Variants in KATNIP observed in about 807,000 individuals in gnomAD.
KATNIP encodes the protein katanin interacting protein, also known as katanin-interacting protein.
Under a neutral mutation model 174.0 loss-of-function variants are expected in KATNIP, and 126 were observed. The observed-to-expected ratio is 0.72, with a 90% confidence interval of 0.63 to 0.84. The LOEUF is 0.84. Among genes scored for constraint, KATNIP ranks in the 40% least tolerant of loss-of-function variants. KATNIP has a pLI of 0.00. For missense variants in KATNIP, 1,958 were observed against 2,109.7 expected (o/e 0.93, Z 1.41); for synonymous variants, 810 against 835.7 (o/e 0.97, Z 0.53).
At position 27,777,632 on chromosome 16, in the gene KATNIP, T is replaced by C. The variant is rs1359170339; in HGVS notation, c.4574T>C (p.Val1525Ala). Reference protein sequence around the residue: ...EFGLLVDDLLVYNGILAMVSH... With the variant: ...EFGLLVDDLLAYNGILAMVSH... ...CAGCTCCTGGTGGACGACCTGCTTG[T>C]GTACAATGGGATCCTGGCCATGGTG... The change falls in exon 26 of 28, where the codon GTG becomes GCG. Residue 1525 changes from valine (V) to alanine (A), a missense_variant. This residue lies in a region of KATNIP where 383 missense variants were observed against 456.0 expected (regional missense o/e 0.84). Coordinates refer to ENST00000261588, the MANE Select transcript of KATNIP (RefSeq NM_015202.5). This position sits in a 1 kb window ranked among gnomAD's most constrained non-coding sequence, Gnocchi z 4.4. 3 of 1,612,608 alleles carry C rather than the reference T, an allele frequency of 1.9e-6. No homozygotes were observed.
chr16:27,734,777 A>G (rs2080838184), intron 14 of KATNIP, among the ~76,000 whole-genome samples: 1 of 152,190 alleles, frequency 6.6e-6, no homozygotes, highest in Non-Finnish European at 1.5e-5. Flanking sequence ...CTAGGCTAGC[A>G]TGGGCCAGGA....
chr16:27,758,347 T>C (rs979894461), intron 18 of KATNIP, among the ~76,000 whole-genome samples: 1 of 152,204 alleles, frequency 6.6e-6, no homozygotes, highest in Non-Finnish European at 1.5e-5. Flanking sequence ...ATCCTGGTAG[T>C]GCTATCTCTG....
chr16:27,587,227 G>T (rs890864227), intron 2 of KATNIP, among the ~76,000 whole-genome samples: 8 of 152,192 alleles, frequency 5.3e-5, no homozygotes, highest in African/African-American at 1.7e-4. Flanking sequence ...GAAGCACTTA[G>T]AACCATATCT....
intron 2 of KATNIP, among the ~76,000 whole-genome samples, chr16:27,601,101 C>T (rs1210416270): frequency 1.3e-5 from 2 of 152,210 alleles, no homozygotes; most frequent in South Asian, 2.1e-4. Context: ...TATCTCTCTA[C>T]TCCAAGTTCC....
At chr16:27,640,321 T>C (rs917549128) in intron 5 of KATNIP, among the ~76,000 whole-genome samples, 15 of 152,194 alleles carry the variant, frequency 9.9e-5, no homozygotes, top group African/African-American at 3.6e-4. Context: ...AGCGGGGAGC[T>C]AGCCAGGTGC....
At chr16:27,695,470 C>G (rs1051819359) in intron 8 of KATNIP, among the ~76,000 whole-genome samples, 1 of 152,258 alleles carries the variant, frequency 6.6e-6, no homozygotes, top group African/African-American at 2.4e-5. Flanking sequence ...GCACACTTCC[C>G]TGGTCCTCTG....
At chr16:27,697,727 G>A (rs1319726989) in intron 8 of KATNIP, among the ~76,000 whole-genome samples, 1 of 152,098 alleles carries the variant, frequency 6.6e-6, no homozygotes, top group Non-Finnish European at 1.5e-5. Flanking sequence ...GAGGGTGTGT[G>A]TGTGTGTGTA....
Position 27,775,656 on chromosome 16 carries a change from G to A in KATNIP, c.4449+572G>A, listed in dbSNP as rs112793448. 8.3e-3 allele frequency among the ~76,000 whole-genome samples: 1,266 copies of A among 152,338 alleles called. 7 individuals carry two copies. The highest frequency in any genetic ancestry group is 0.014 in the Non-Finnish European group (935 of 68,036). On this transcript the variant is annotated intron_variant, in intron 24 of 27. Transcript: ENST00000261588. ...TCATGGTGAGAAGACGTGGTTGGTT[G>A]TGGTGGAGAGGAAGGGGAGAGGGCA... is the stretch of plus-strand genomic sequence containing the variant.
At chr16:27,595,520 A>G (rs1393834505) in intron 2 of KATNIP, among the ~76,000 whole-genome samples, 1 of 152,206 alleles carries the variant, frequency 6.6e-6, no homozygotes, top group Non-Finnish European at 1.5e-5. Context: ...GAGCATCACC[A>G]AGTCTGGTCG....
At chr16:27,742,083 T>C (rs1349527683) in intron 15 of KATNIP, among the ~76,000 whole-genome samples, 3 of 151,494 alleles carry the variant, frequency 2.0e-5, no homozygotes, top group African/African-American at 7.3e-5. Flanking sequence ...CCTGAGAGCT[T>C]TGTGAACTTT....
chr16:27,555,250 A>G lies in KATNIP; in HGVS notation c.7+5073A>G, dbSNP rs573159395. Among the ~76,000 whole-genome samples, 7 of 152,362 alleles carry G rather than the reference A, an allele frequency of 4.6e-5. No individual in the cohort carries two copies. In the East Asian group the frequency reaches 1.2e-3, roughly 25 times the overall value. ...TCACAAAAGCTTAAATGTCTAGCAG[A>G]TGCCCTCCAAACTGGACTGTAATTT... On this transcript the variant is annotated intron_variant, in intron 1 of 27. Transcript: ENST00000261588.
chr16:27,727,228 GC>G, intron 14 of KATNIP: 1 of 230,098 alleles, frequency 4.3e-6, no homozygotes, highest in Non-Finnish European at 9.6e-6. Context: ...TCTCTCTGCT[GC>G]CCAGGCTGGA....
In KATNIP at chr16:27,739,006, TAA is replaced by T. The variant is rs71140909; in HGVS notation, c.1744-1023_1744-1022del. 3.1e-3 allele frequency among the ~76,000 whole-genome samples: 458 copies of T among 146,506 alleles called. 5 individuals are homozygous for T. Among genetic ancestry groups the T allele is most frequent in the African/African-American group, 0.01 (409 of 40,174 alleles). ...AAGACTCCCATGATCTGATTTCAGT[TAA>T]AAAAAAAAAAACTCACTGCTGCATA... On this transcript the variant is annotated intron_variant, in intron 14 of 27. Coordinates refer to ENST00000261588, the MANE Select transcript of KATNIP (RefSeq NM_015202.5).
intron 12 of KATNIP, 124 bp downstream of exon 12, chr16:27,704,122 G>GCCCCCCCCCCC (rs535809357): frequency 3.0e-6 from 2 of 662,456 alleles, no homozygotes; most frequent in African/African-American, 3.7e-5. Context: ...TGTTTCCACC[G>GCCCCCCCCCCC]CCCCCCCCCT....
At chr16:27,774,901 C>G in intron 23 of KATNIP, 44 bp from the exon 24 acceptor site, 1 of 1,611,918 alleles carries the variant, frequency 6.2e-7, no homozygotes. Context: ...CTGGCAGCCC[C>G]GAGCACACAG....
rs550197196 is a variant in KATNIP, at chr16:27,691,000, C to T, written c.941-7328C>T. Among the ~76,000 whole-genome samples the T allele has an allele frequency of 5.3e-5, 8 of 152,254 alleles. No homozygotes were observed. In the East Asian group the frequency reaches 1.2e-3, roughly 22 times the overall value. ...TTTTTCTAAAAAAGTGAAAGTGACA[C>T]AATACATCTCTGTAGGCAGGTTATG... On this transcript the variant is annotated intron_variant, in intron 8 of 27. Transcript: ENST00000261588.
In KATNIP at chr16:27,776,982, C is replaced by G; in HGVS notation, c.4504C>G (p.Leu1502Val). ...DLPTTVSMIK[L>V]WNYAKTPHRG... ...GCCTACCACCGTGTCAATGATCAAA[C>G]TGTGGAATTATGCGAAAACACCCCA... Residue 1502 changes from leucine (L) to valine (V), a missense_variant, in exon 25 of 28, where the codon CTG becomes GTG. Coordinates refer to ENST00000261588, the MANE Select transcript of KATNIP (RefSeq NM_015202.5). The surrounding 1 kb of genome is among the most constrained non-coding windows in gnomAD (Gnocchi z 4.7). 3.7e-6 allele frequency: 6 copies of G among 1,614,008 alleles called. No homozygotes were observed. The highest frequency in any genetic ancestry group is 5.1e-6 in the Non-Finnish European group (6 of 1,179,842).
At chr16:27,685,942 A>G (rs530578621) in intron 8 of KATNIP, among the ~76,000 whole-genome samples, 1 of 152,308 alleles carries the variant, frequency 6.6e-6, no homozygotes. Flanking sequence ...ATTGGTTTAT[A>G]CAGATGACCT....
In KATNIP at chr16:27,740,351, C is replaced by G; in HGVS notation, c.2054C>G (p.Thr685Ser). Residue 685 changes from threonine to serine, a missense_variant, in exon 15 of 28, where the codon ACT (threonine) becomes AGT (serine). Transcript: ENST00000261588. ...GTGTCTGGCAAAAGAAAGAATTCTA[C>G]TAATTGCAGGAAAGACAGTTTGTCC... ...GNVSGKRKNS[T>S]NCRKDSLSQL... 1.2e-6 allele frequency: 2 copies of G among 1,614,246 alleles called. No individual in the cohort carries two copies. Among genetic ancestry groups the G allele is most frequent in the African/African-American group, 1.3e-5 (1 of 75,070 alleles).
Sources: gnomAD v4.1 joint callset for allele counts (sites outside exome capture counted in the v4.1 genomes callset) on GRCh38, gnomAD v4.1.1 for gene constraint, gnomAD v4.1.1 regional missense constraint, Gnocchi (gnomAD v3.1) non-coding constraint, MANE v1.5 for transcripts, NCBI Gene and HGNC (gene_info 2026-07-23, HGNC 2026-07-21) for gene names.